TMEM116: variants seen among roughly 807,000 people sequenced by gnomAD.
TMEM116 encodes transmembrane protein 116.
Under a neutral mutation model 44.3 loss-of-function variants are expected in TMEM116, and 38 were observed. The ratio of observed to expected loss-of-function variants is 0.86; its 90% confidence interval spans 0.66 to 1.12. The LOEUF (loss-of-function observed/expected upper bound fraction) is 1.12, where lower values mean the gene tolerates loss of function less well. Among genes scored for constraint, TMEM116 ranks in the 50% most tolerant of loss-of-function variants. TMEM116 has a pLI of 0.00. For synonymous variants in TMEM116, 132 were observed against 144.8 expected (o/e 0.91, Z 0.64); for missense variants, 354 against 401.7 (o/e 0.88, Z 1.01).
intron 4 of TMEM116, among the ~76,000 whole-genome samples, chr12:111,977,344 A>T (rs779127856): frequency 6.6e-6 from 1 of 152,168 alleles, no homozygotes; most frequent in Non-Finnish European, 1.5e-5. Context: ...AGAACCACTA[A>T]CCTAGAATTC....
intron 4 of TMEM116, among the ~76,000 whole-genome samples, chr12:111,957,979 AC>A (rs1212771343): frequency 1.3e-5 from 2 of 152,064 alleles, no homozygotes; most frequent in Non-Finnish European, 2.9e-5. Flanking sequence ...CTTACCCCCA[AC>A]CCCGTGCTCT....
In TMEM116 at chr12:111,982,559, C is replaced by T. The variant is rs143799346; in HGVS notation, c.210+9199G>A. ...CAGGCAATCTGCCCTCGTTGGCCTC[C>T]CAAAGTGCTGGGATTACAGGTATGA... is the stretch of plus-strand genomic sequence containing the variant. On this transcript the variant is annotated intron_variant, in intron 4 of 10. Coordinates refer to ENST00000552374, the MANE Select transcript of TMEM116 (RefSeq NM_001193531.2). Among the ~76,000 whole-genome samples the T allele has an allele frequency of 5.9e-5, 9 of 152,162 alleles. No homozygotes were observed. In the East Asian group the frequency reaches 1.7e-3, roughly 29 times the overall value.
chr12:112,002,725 T>A (rs2077330939), intron 3 of TMEM116, among the ~76,000 whole-genome samples: 1 of 152,222 alleles, frequency 6.6e-6, no homozygotes, highest in Admixed American at 6.5e-5. Context: ...ACCAATGAGA[T>A]AAAGTATGTA....
At position 111,938,440 on chromosome 12, in the gene TMEM116, A is replaced by G. The variant is rs566235617; in HGVS notation, c.316-230T>C. The stretch of plus-strand genomic sequence containing the variant: ...TATTCTAAAAAGTACAACAACAACA[A>G]CAACAAAGCCACAAAGAAAGCCTGC... On this transcript the variant is annotated intron_variant, in intron 5 of 10. Transcript: ENST00000552374. 2.0e-5 allele frequency among the ~76,000 whole-genome samples: 3 copies of G among 152,306 alleles called. No individual in the cohort carries two copies. In the South Asian group the frequency reaches 6.2e-4, roughly 32 times the overall value.
intron 4 of TMEM116, among the ~76,000 whole-genome samples, chr12:111,957,676 C>T (rs938519520): frequency 4.6e-5 from 7 of 151,224 alleles, no homozygotes; most frequent in South Asian, 2.1e-4. Context: ...TCTGCCTGGC[C>T]GCCGTCCCGT....
intron 4 of TMEM116, among the ~76,000 whole-genome samples, chr12:111,983,024 G>GCCTGTAAT (rs1189322701): frequency 6.6e-6 from 1 of 152,290 alleles, no homozygotes; most frequent in East Asian, 1.9e-4. Flanking sequence ...AGTGACTCAT[G>GCCTGTAAT]CCTGTAATCC....
intron 3 of TMEM116, among the ~76,000 whole-genome samples, chr12:112,001,446 G>T (rs2077251609): frequency 1.3e-5 from 2 of 152,122 alleles, no homozygotes; most frequent in Admixed American, 6.5e-5. Context: ...TGGGTAGCTA[G>T]AACTATAGGC....
intron 1 of TMEM116, among the ~76,000 whole-genome samples, chr12:112,009,319 T>C (rs1174596232): frequency 1.3e-5 from 2 of 152,066 alleles, no homozygotes; most frequent in Non-Finnish European, 2.9e-5. Flanking sequence ...CAATAAACCA[T>C]TTGAGAAAAA....
chr12:111,932,796 G>A, intron 9 of TMEM116, 137 bp from the exon 10 acceptor site: 1 of 688,010 alleles, frequency 1.5e-6, no homozygotes, highest in Non-Finnish European at 2.6e-6. Flanking sequence ...AACTTGTTAT[G>A]CAAACCAATG....
chr12:111,976,960 G>C (rs749571560), intron 4 of TMEM116, among the ~76,000 whole-genome samples: 1 of 152,024 alleles, frequency 6.6e-6, no homozygotes, highest in Non-Finnish European at 1.5e-5. Flanking sequence ...AAAAGGAACA[G>C]AACAACAGTG....
intron 4 of TMEM116, among the ~76,000 whole-genome samples, chr12:111,980,399 TGC>T (rs2075874524): frequency 6.6e-6 from 1 of 152,016 alleles, no homozygotes; most frequent in Admixed American, 6.6e-5. Context: ...ATCAATGAGT[TGC>T]CAAGGAAAGG....
At chr12:111,948,911 T>C (rs2073493496) in intron 4 of TMEM116, among the ~76,000 whole-genome samples, 2 of 151,216 alleles carry the variant, frequency 1.3e-5, no homozygotes, top group African/African-American at 4.9e-5. Context: ...AGACCTCATC[T>C]CTACAAAAAA....
At chr12:111,940,556 T>G (rs966656679) in intron 5 of TMEM116, among the ~76,000 whole-genome samples, 1 of 121,602 alleles carries the variant, frequency 8.2e-6, no homozygotes, top group East Asian at 5.1e-4. Flanking sequence ...CACACACACA[T>G]ATATATGTGT....
At chr12:111,992,023 T>C (rs1418723110) in intron 3 of TMEM116, 134 bp from the exon 4 acceptor site, 1 of 900,064 alleles carries the variant, frequency 1.1e-6, no homozygotes, top group African/African-American at 1.7e-5. Context: ...ATTGGTTGAT[T>C]GTGGGCAATG....
At chr12:111,945,598 A>G (rs1269839139) in intron 4 of TMEM116, among the ~76,000 whole-genome samples, 1 of 152,168 alleles carries the variant, frequency 6.6e-6, no homozygotes, top group East Asian at 1.9e-4. Flanking sequence ...AATGATTATT[A>G]ATTTATCATC....
At chr12:111,958,243 C>T (rs10849989) in intron 4 of TMEM116, among the ~76,000 whole-genome samples, 2 of 144,462 alleles carry the variant, frequency 1.4e-5, no homozygotes, top group African/African-American at 5.2e-5. Context: ...AAATCCCCCT[C>T]TCCGAGAAAC....
chr12:111,988,729 C>T (rs763345577), intron 4 of TMEM116, among the ~76,000 whole-genome samples: 5 of 151,186 alleles, frequency 3.3e-5, no homozygotes, highest in African/African-American at 7.3e-5. Context: ...CGGTGGCTCA[C>T]GCCTGAAATC....
At chr12:111,993,334 T>C in intron 3 of TMEM116, 1 of 508,522 alleles carries the variant, frequency 2.0e-6, no homozygotes, top group Non-Finnish European at 4.0e-6. Flanking sequence ...GAGGATGGTG[T>C]TCATTCTTTG....
chr12:111,946,497 C>A (rs1015527211), intron 4 of TMEM116, among the ~76,000 whole-genome samples: 1 of 152,186 alleles, frequency 6.6e-6, no homozygotes, highest in Non-Finnish European at 1.5e-5. Context: ...GTCCTTAAGG[C>A]GCAGATCGCT....
Sources: allele counts gnomAD v4.1 joint callset (sites outside exome capture counted in the v4.1 genomes callset), GRCh38; gene constraint gnomAD v4.1.1; transcripts MANE v1.5; gene names NCBI Gene and HGNC (gene_info 2026-07-23, HGNC 2026-07-21).